Variants in CACNA2D1 observed in about 807,000 individuals in gnomAD.
CACNA2D1 encodes voltage-dependent calcium channel subunit alpha-2/delta-1.
A neutral mutation model predicts 171.5 loss-of-function variants in CACNA2D1; 53 were observed. The ratio of observed to expected loss-of-function variants is 0.31; its 90% CI spans 0.25 to 0.39. The LOEUF (loss-of-function observed/expected upper bound fraction) is 0.39. CACNA2D1 is among the 10% of genes least tolerant of loss of function. The probability of loss-of-function intolerance (pLI) is 1.00; values close to 1 mark genes in which losing one functional copy is unlikely to be tolerated. For synonymous variants in CACNA2D1, 442 were observed against 443.1 expected (o/e 1.00, Z 0.03); for missense variants, 903 against 1,299.8 (o/e 0.69, Z 4.69).
intron 3 of CACNA2D1, among the ~76,000 whole-genome samples, chr7:82,304,951 T>G (rs1813530054): frequency 6.6e-6 from 1 of 152,170 alleles, no homozygotes; most frequent in Admixed American, 6.5e-5. Context: ...ACACATTCTA[T>G]GCATGTAACA....
chr7:82,073,586 T>C (rs1448448494), intron 7 of CACNA2D1, among the ~76,000 whole-genome samples: 2 of 152,046 alleles, frequency 1.3e-5, no homozygotes, highest in South Asian at 2.1e-4. Flanking sequence ...CTTCATATGT[T>C]GGTATTTTAT....
At chr7:82,090,204 A>T (rs1584708857) in intron 6 of CACNA2D1, among the ~76,000 whole-genome samples, 1 of 152,144 alleles carries the variant, frequency 6.6e-6, no homozygotes, top group Non-Finnish European at 1.5e-5. Flanking sequence ...GCCATGCTGT[A>T]TATTAGATCT....
intron 10 of CACNA2D1, chr7:82,050,985 G>T (rs528374101): frequency 7.1e-4 from 181 of 256,516 alleles, no homozygotes; most frequent in Middle Eastern, 1.5e-3. Flanking sequence ...TGCCTGTGAA[G>T]AATGAGTCAA....
intron 6 of CACNA2D1, among the ~76,000 whole-genome samples, chr7:82,114,920 T>C (rs376584448): frequency 2.8e-4 from 42 of 152,298 alleles, no homozygotes; most frequent in African/African-American, 9.1e-4. Flanking sequence ...AAAATGTTCA[T>C]AGAGCAAAGC....
intron 1 of CACNA2D1, among the ~76,000 whole-genome samples, chr7:82,367,493 T>C (rs973235137): frequency 6.6e-6 from 1 of 152,144 alleles, no homozygotes; most frequent in Non-Finnish European, 1.5e-5. Flanking sequence ...CTGCTTTCTG[T>C]CCTTCACATC....
At chr7:82,063,771 C>G (rs1428745109) in intron 9 of CACNA2D1, among the ~76,000 whole-genome samples, 2 of 152,054 alleles carry the variant, frequency 1.3e-5, no homozygotes, top group Non-Finnish European at 1.5e-5. Context: ...ACACATATAT[C>G]TTGAATTGAA....
At chr7:82,054,809 G>A (rs1180958143) in intron 10 of CACNA2D1, among the ~76,000 whole-genome samples, 1 of 152,176 alleles carries the variant, frequency 6.6e-6, no homozygotes, top group African/African-American at 2.4e-5. Context: ...CAACACAATT[G>A]CTAAGATTTT....
rs1790869001 is a variant in CACNA2D1 at position 82,130,789 on chromosome 7, GTCT to G, written c.396+5843_396+5845del. ...GCTTGTTTTTTTTGTTGTTGTTTTTGTCTTTTTTTTTTTTTTTTTTTTTTTGAG... is the reference window on the plus strand; with the variant it reads ...GCTTGTTTTTTTTGTTGTTGTTTTTGTTTTTTTTTTTTTTTTTTTTTTGAG... On this transcript the variant is annotated intron_variant, in intron 5 of 38. Transcript: ENST00000356860. 3.3e-5 allele frequency among the ~76,000 whole-genome samples: 4 copies of G among 120,038 alleles called. No homozygotes were observed. In the Admixed American group the frequency reaches 3.6e-4, roughly 11 times the overall value. The allele number at this position is 120,038 out of a possible 152,430, so 78.7% of individuals were successfully genotyped here.
At chr7:81,959,157 A>ACAT (rs1793793259) in intron 38 of CACNA2D1, 118 bp downstream of exon 38, 1 of 751,448 alleles carries the variant, frequency 1.3e-6, no homozygotes, top group Non-Finnish European at 2.4e-6. Flanking sequence ...CATGTTAATG[A>ACAT]GAAAAACTAT....
intron 6 of CACNA2D1, among the ~76,000 whole-genome samples, chr7:82,103,670 C>CATATAT (rs56335299): frequency 0.36 from 54,028 of 151,514 alleles, 9,906 homozygotes; most frequent in East Asian, 0.4. Flanking sequence ...TGTGTATATA[C>CATATAT]ATATTCAGAT....
chr7:82,031,687 T>A (rs539844192), intron 12 of CACNA2D1, among the ~76,000 whole-genome samples: 4 of 152,106 alleles, frequency 2.6e-5, no homozygotes, highest in Non-Finnish European at 5.9e-5. Context: ...CTTAAAGGGT[T>A]CCAAAAATTT....
At position 82,186,463 on chromosome 7, in the gene CACNA2D1, C is replaced by T. The variant is rs189025078; in HGVS notation, c.295-15854G>A. ...CTAAAATCACAAGGAAATGACACTTCGATGTATGTTACAGAGCAAAGTTAA... is the reference window on the plus strand; with the variant it reads ...CTAAAATCACAAGGAAATGACACTTTGATGTATGTTACAGAGCAAAGTTAA... On this transcript the variant is annotated intron_variant, in intron 3 of 38. Coordinates refer to ENST00000356860, the MANE Select transcript of CACNA2D1 (RefSeq NM_000722.4). Among the ~76,000 whole-genome samples the T allele has an allele frequency of 6.4e-4, 98 of 152,166 alleles. 2 individuals are homozygous for T. In the South Asian group the frequency reaches 9.1e-3, roughly 14 times the overall value.
At chr7:82,323,293 C>T (rs572180420) in intron 3 of CACNA2D1, among the ~76,000 whole-genome samples, 28 of 151,880 alleles carry the variant, frequency 1.8e-4, no homozygotes, top group African/African-American at 5.8e-4. Context: ...AAATGACATA[C>T]GGATTTTTTT....
chr7:82,335,097 G>T (rs778905876), intron 3 of CACNA2D1, 38 bp downstream of exon 3: 34 of 1,268,924 alleles, frequency 2.7e-5, no homozygotes, highest in Non-Finnish European at 3.8e-5. Context: ...AGATAAGTAA[G>T]GAAAATAATA....
At chr7:82,008,047 T>C (rs1038386589) in intron 15 of CACNA2D1, among the ~76,000 whole-genome samples, 37 of 152,154 alleles carry the variant, frequency 2.4e-4, no homozygotes, top group Admixed American at 1.8e-3. Flanking sequence ...ACAGCCTGTA[T>C]GCATTTCAGT....
At chr7:82,142,146 G>C (rs564149650) in intron 4 of CACNA2D1, among the ~76,000 whole-genome samples, 44 of 152,266 alleles carry the variant, frequency 2.9e-4, no homozygotes, top group Non-Finnish European at 4.3e-4. Flanking sequence ...AACCTTTGGA[G>C]AGCTATTTTT....
At chr7:82,033,664 C>G (rs1802980909) in intron 11 of CACNA2D1, among the ~76,000 whole-genome samples, 1 of 152,012 alleles carries the variant, frequency 6.6e-6, no homozygotes, top group Non-Finnish European at 1.5e-5. Flanking sequence ...CACACATATT[C>G]TAATCCTGAA....
At chr7:82,373,566 A>T (rs1822661015) in intron 1 of CACNA2D1, among the ~76,000 whole-genome samples, 1 of 152,194 alleles carries the variant, frequency 6.6e-6, no homozygotes, top group Non-Finnish European at 1.5e-5. Flanking sequence ...CTTGTGACAT[A>T]GCATAAGTTG....
chr7:82,146,158 T>C (rs1793011926), intron 4 of CACNA2D1, among the ~76,000 whole-genome samples: 1 of 151,660 alleles, frequency 6.6e-6, no homozygotes, highest in African/African-American at 2.4e-5. Context: ...GTCTTTACTA[T>C]GTTTAATAAC....
Sources: gnomAD v4.1 joint callset for allele counts (sites outside exome capture counted in the v4.1 genomes callset) on GRCh38, gnomAD v4.1.1 for gene constraint, MANE v1.5 for transcripts, NCBI Gene and HGNC (gene_info 2026-07-23, HGNC 2026-07-21) for gene names.